Variants in PCDHA13 observed in about 807,000 individuals in gnomAD.
PCDHA13 encodes protocadherin alpha 13.
A neutral mutation model predicts 64.8 loss-of-function variants in PCDHA13; 54 were observed. The observed-to-expected ratio is 0.83, with a 90% CI of 0.67 to 1.04. The LOEUF (loss-of-function observed/expected upper bound fraction) is 1.04. PCDHA13 is among the 50% of genes least tolerant of loss of function. PCDHA13 has a pLI of 0.00. For synonymous variants in PCDHA13, 587 were observed against 564.4 expected (o/e 1.04, Z -0.57); for missense variants, 1,248 against 1,254.3 (o/e 0.99, Z 0.08).
At chr5:140,982,234 A>C (rs1039012011) in intron 2 of PCDHA13, 1 of 643,856 alleles carries the variant, frequency 1.6e-6, no homozygotes. Flanking sequence ...AAAAAACAGA[A>C]TTGCCATAAA....
Position 140,883,867 on chromosome 5 carries a change from C to T in PCDHA13, c.1599C>T (p.Phe533=), listed in dbSNP as rs2059859396. The change falls in exon 1 of 4, where the codon TTC becomes TTT. Residue 533 remains phenylalanine (F), a synonymous_variant. Coordinates refer to ENST00000289272, the MANE Select transcript of PCDHA13 (RefSeq NM_018904.3). ...ACGAGGAGCTGGAGCTGTTGCAGTT[C>T]CAGGTGAGCGCGCGCGACTCTGGCG... ...LDHEELELLQ[F]QVSARDSGVP... 3 of 1,613,138 alleles carry T rather than the reference C, an allele frequency of 1.9e-6. No homozygotes were observed. Among genetic ancestry groups the T allele is most frequent in the Non-Finnish European group, 2.5e-6 (3 of 1,179,840 alleles).
chr5:140,995,883 A>C (rs892876266), intron 3 of PCDHA13, among the ~76,000 whole-genome samples: 2 of 152,232 alleles, frequency 1.3e-5, no homozygotes, highest in Admixed American at 6.5e-5. Flanking sequence ...CCTGTGCTTC[A>C]GATTTATCAA....
chr5:140,919,301 A>G (rs1278715166), intron 1 of PCDHA13, among the ~76,000 whole-genome samples: 1 of 152,158 alleles, frequency 6.6e-6, no homozygotes, highest in African/African-American at 2.4e-5. Context: ...CTGTTTGTAC[A>G]ATATATGTTT....
chr5:140,994,412 G>C (rs1412198813), intron 3 of PCDHA13, among the ~76,000 whole-genome samples: 1 of 152,068 alleles, frequency 6.6e-6, no homozygotes, highest in Non-Finnish European at 1.5e-5. Flanking sequence ...ATTTAATACT[G>C]GATATTGAGG....
At chr5:141,002,684 G>C (rs1432098268) in intron 3 of PCDHA13, among the ~76,000 whole-genome samples, 2 of 152,180 alleles carry the variant, frequency 1.3e-5, no homozygotes, top group Non-Finnish European at 2.9e-5. Context: ...TATACGACGT[G>C]CAGATTTGTT....
In PCDHA13 at chr5:140,979,008, G is replaced by T; in HGVS notation, c.2453+1G>T. 1 of 1,613,990 alleles carries T rather than the reference G, an allele frequency of 6.2e-7. No individual in the cohort carries two copies. The highest frequency in any genetic ancestry group is 1.3e-5 in the African/African-American group (1 of 75,044). ...CCTCCCTGAGAGCAGGCATGCACAG[G>T]TATGTATTTCCCTCCTCATTCACTC... On this transcript the variant is annotated splice_donor_variant, in intron 2 of 3. Transcript: ENST00000289272. LOFTEE classifies it high-confidence loss of function.
intron 1 of PCDHA13, among the ~76,000 whole-genome samples, chr5:140,944,130 G>C (rs141500614): frequency 3.9e-4 from 60 of 152,256 alleles, no homozygotes; most frequent in Non-Finnish European, 7.9e-4. Context: ...AGAAGAAAAG[G>C]TTGAAGATTA....
chr5:140,972,201 G>A (rs1554233905), intron 1 of PCDHA13, among the ~76,000 whole-genome samples: 1 of 152,058 alleles, frequency 6.6e-6, no homozygotes, highest in African/African-American at 2.4e-5. Flanking sequence ...GAGTATAGGT[G>A]TGAATATGGC....
chr5:141,000,385 C>CTA (rs2097909674), intron 3 of PCDHA13, among the ~76,000 whole-genome samples: 1 of 64,994 alleles, frequency 1.5e-5, no homozygotes, highest in Non-Finnish European at 2.9e-5. Context: ...CTCTCTCTCT[C>CTA]TCTCTCTCTC....
chr5:140,953,050 A>C (rs1169479924), intron 1 of PCDHA13, among the ~76,000 whole-genome samples: 1 of 152,122 alleles, frequency 6.6e-6, no homozygotes, highest in African/African-American at 2.4e-5. Flanking sequence ...TGATCCAATC[A>C]CCTCTCACAG....
chr5:140,927,402 C>G, intron 1 of PCDHA13: 1 of 1,614,128 alleles, frequency 6.2e-7, no homozygotes, highest in Non-Finnish European at 8.5e-7. Context: ...AGCACTTTCG[C>G]CTGGACATGG....
chr5:140,950,110 C>A (rs542585854), intron 1 of PCDHA13, among the ~76,000 whole-genome samples: 23 of 151,848 alleles, frequency 1.5e-4, no homozygotes, highest in African/African-American at 5.5e-4. Context: ...AAATCTCATA[C>A]AATACAAAAC....
intron 1 of PCDHA13, among the ~76,000 whole-genome samples, chr5:140,945,375 C>T (rs1414758644): frequency 1.3e-4 from 20 of 152,006 alleles, no homozygotes; most frequent in African/African-American, 3.9e-4. Context: ...GTCCATATTA[C>T]CCAAAGCAAT....
At chr5:140,917,653 G>A (rs1400141765) in intron 1 of PCDHA13, among the ~76,000 whole-genome samples, 1 of 152,160 alleles carries the variant, frequency 6.6e-6, no homozygotes, top group Non-Finnish European at 1.5e-5. Flanking sequence ...GCAATATTGA[G>A]TAGGAAGTCC....
chr5:140,963,838 T>C (rs1414191733), intron 1 of PCDHA13, among the ~76,000 whole-genome samples: 3 of 152,254 alleles, frequency 2.0e-5, no homozygotes, highest in Admixed American at 1.3e-4. Context: ...CATTTTCTCA[T>C]GTAATCATAA....
At chr5:140,904,443 A>G (rs1345999576) in intron 1 of PCDHA13, among the ~76,000 whole-genome samples, 8 of 151,082 alleles carry the variant, frequency 5.3e-5, no homozygotes, top group African/African-American at 1.5e-4. Flanking sequence ...GTATATTACA[A>G]TTTCTTTATA....
At chr5:140,952,807 C>T (rs1390694306) in intron 1 of PCDHA13, among the ~76,000 whole-genome samples, 2 of 152,158 alleles carry the variant, frequency 1.3e-5, no homozygotes, top group Admixed American at 6.5e-5. Context: ...CGCAGTTCTG[C>T]AGGCTGTACA....
intron 1 of PCDHA13, chr5:140,926,614 C>A (rs2083406581): frequency 5.3e-6 from 2 of 377,642 alleles, no homozygotes; most frequent in Admixed American, 4.4e-5. Context: ...TCTCTGCACC[C>A]CTAGGCGGCG....
At chr5:140,915,190 G>A (rs1317793585) in intron 1 of PCDHA13, among the ~76,000 whole-genome samples, 1 of 151,978 alleles carries the variant, frequency 6.6e-6, no homozygotes, top group Non-Finnish European at 1.5e-5. Context: ...CTAGTGATCC[G>A]CCCATCTTGG....
Sources: gnomAD v4.1 joint callset for allele counts (sites outside exome capture counted in the v4.1 genomes callset) on GRCh38, gnomAD v4.1.1 for gene constraint, MANE v1.5 for transcripts, NCBI Gene and HGNC (gene_info 2026-07-23, HGNC 2026-07-21) for gene names.